The following CCSER1 variants were observed in gnomAD, a reference collection of about 807,000 sequenced individuals.
CCSER1 encodes coiled-coil serine rich protein 1, also known as serine-rich coiled-coil domain-containing protein 1.
Under a neutral mutation model 82.0 loss-of-function variants are expected in CCSER1, and 41 were observed. That is an observed-to-expected ratio of 0.50 (90% CI 0.39 to 0.65). CCSER1 has a LOEUF of 0.65. Ranked by LOEUF, CCSER1 falls within the 30% of genes least tolerant of loss-of-function variation. The probability of loss-of-function intolerance (pLI) is 0.00; values close to 1 mark genes in which losing one functional copy is unlikely to be tolerated. For missense variants in CCSER1, 1,119 were observed against 1,064.2 expected (o/e 1.05, Z -0.72); for synonymous variants, 414 against 383.9 (o/e 1.08, Z -0.92).
chr4:91,329,317 C>A (rs138955781), intron 10 of CCSER1, among the ~76,000 whole-genome samples: 2 of 152,258 alleles, frequency 1.3e-5, no homozygotes, highest in African/African-American at 4.8e-5. Context: ...ACTCTAATTT[C>A]TGATGCTGTG....
rs147764618 is a variant in CCSER1 at position 91,280,542 on chromosome 4, C to T, written c.2217+194548C>T. Among the ~76,000 whole-genome samples, 155 of 152,186 alleles carry T rather than the reference C, an allele frequency of 1.0e-3. 1 individual carries two copies. The highest frequency in any genetic ancestry group is 7.5e-4 in the Non-Finnish European group (51 of 67,998). The stretch of plus-strand genomic sequence containing the variant: ...GCTGAGAGAGGTGGATAGGACAGGG[C>T]GATCCCCAGAACCCTGGTGAAATGC... On this transcript the variant is annotated intron_variant, in intron 10 of 10. Transcript: ENST00000509176.
chr4:91,186,909 A>C (rs1734594503), intron 10 of CCSER1, among the ~76,000 whole-genome samples: 1 of 152,178 alleles, frequency 6.6e-6, no homozygotes, highest in South Asian at 2.1e-4. Flanking sequence ...GTAAACCCAC[A>C]ATCTTCCAGC....
At position 90,225,070 on chromosome 4, in the gene CCSER1, C is replaced by G. The variant is rs1378069796; in HGVS notation, c.-41-83174C>G. Among the ~76,000 whole-genome samples, 3 of 148,664 alleles carry G rather than the reference C, an allele frequency of 2.0e-5. No individual in the cohort carries two copies. The South Asian group carries it at 6.4e-4, about 32-fold the overall frequency. On this transcript the variant is annotated intron_variant, in intron 1 of 10. Transcript: ENST00000509176. ...TTTAAAATGACTTCCTTTTTTTTTT[C>G]TTTTTTATTTTTGAGACAGTTTTCA...
chr4:90,579,787 G>A (rs1245758664), intron 5 of CCSER1, among the ~76,000 whole-genome samples: 3 of 151,126 alleles, frequency 2.0e-5, no homozygotes, highest in Non-Finnish European at 2.9e-5. Context: ...AGTTAATTCC[G>A]TGGTTGGCCT....
At chr4:90,976,141 C>A (rs1001968182) in intron 9 of CCSER1, among the ~76,000 whole-genome samples, 2 of 151,014 alleles carry the variant, frequency 1.3e-5, no homozygotes, top group Non-Finnish European at 1.5e-5. Context: ...AGCCAATTAA[C>A]CTAAGGAAAC....
At chr4:91,331,795 T>G (rs1415402556) in intron 10 of CCSER1, among the ~76,000 whole-genome samples, 2 of 152,174 alleles carry the variant, frequency 1.3e-5, no homozygotes. Context: ...ACAAGCTGCA[T>G]GTAACACAAC....
intron 6 of CCSER1, 46 bp downstream of exon 6, chr4:90,628,278 A>G (rs1213589524): frequency 5.4e-6 from 8 of 1,478,222 alleles, no homozygotes; most frequent in East Asian, 4.5e-5. Context: ...CTGGTAGACA[A>G]TGAAGTCTGC....
chr4:90,833,911 GC>G lies in CCSER1; in HGVS notation c.2094+18070del, dbSNP rs376104230. ...AGTGGGTTATTATAAAGCTAATTCA[GC>G]CCCTGGTGCCTCTCTTTGTCTACTC... On this transcript the variant is annotated intron_variant, in intron 8 of 10. Coordinates refer to ENST00000509176, the MANE Select transcript of CCSER1 (RefSeq NM_001145065.2). Among the ~76,000 whole-genome samples the G allele has an allele frequency of 5.9e-5, 9 of 152,192 alleles. No individual in the cohort carries two copies. The East Asian group carries it at 1.7e-3, about 29-fold the overall frequency.
intron 9 of CCSER1, among the ~76,000 whole-genome samples, chr4:91,049,754 T>C (rs945446801): frequency 9.9e-5 from 15 of 152,226 alleles, no homozygotes; most frequent in African/African-American, 2.7e-4. Flanking sequence ...TCTGGGTAGA[T>C]GATTAACAAG....
chr4:90,240,368 G>T (rs1409681637), intron 1 of CCSER1, among the ~76,000 whole-genome samples: 1 of 152,146 alleles, frequency 6.6e-6, no homozygotes, highest in African/African-American at 2.4e-5. Flanking sequence ...GCCTTGGGAA[G>T]ATTGTCTCTA....
At position 90,985,109 on chromosome 4, in the gene CCSER1, A is replaced by G. The variant is rs187000523; in HGVS notation, c.2172+61662A>G. Reference sequence around the variant, plus strand: ...CTCTGTCGTTTTATTTTAGGTGTATATCTGGTGAGTAATATAACACCAAAA... The same window carrying G: ...CTCTGTCGTTTTATTTTAGGTGTATGTCTGGTGAGTAATATAACACCAAAA... On this transcript the variant is annotated intron_variant, in intron 9 of 10. Coordinates refer to ENST00000509176, the MANE Select transcript of CCSER1 (RefSeq NM_001145065.2). Among the ~76,000 whole-genome samples the G allele has an allele frequency of 1.4e-3, 213 of 151,860 alleles. 1 individual carries two copies. The highest frequency in any genetic ancestry group is 2.6e-3 in the Non-Finnish European group (178 of 67,816).
chr4:90,308,609 A>G lies in CCSER1; in HGVS notation c.325A>G (p.Ile109Val), dbSNP rs778993763. ...GCAGAAACTGAGTTTGGAAGAACAT[A>G]TTAAGACCAGGGGAAGACATTCTGT... is the stretch of plus-strand genomic sequence containing the variant. ...NMQKLSLEEH[I>V]KTRGRHSVGF... Residue 109 changes from isoleucine (I) to valine (V), a missense_variant, in exon 2 of 11, where the codon ATT becomes GTT. By Grantham distance (29) the Ile-to-Val change is conservative. Transcript: ENST00000509176. 3.1e-6 allele frequency: 5 copies of G among 1,613,812 alleles called. No homozygotes were observed. Among genetic ancestry groups the G allele is most frequent in the Admixed American group, 3.3e-5 (2 of 59,964 alleles).
In CCSER1 at chr4:90,877,934, T is replaced by C. The variant is rs117445632; in HGVS notation, c.2095-45436T>C. Among the ~76,000 whole-genome samples, 11 of 152,234 alleles carry C rather than the reference T, an allele frequency of 7.2e-5. No individual in the cohort carries two copies. The East Asian group carries it at 7.7e-4, about 11-fold the overall frequency. ...AAAAAAACATCAGTTACTATCCAAATTATACATTCTAATGGGAGGAACTTT... is the reference window on the plus strand; with the variant it reads ...AAAAAAACATCAGTTACTATCCAAACTATACATTCTAATGGGAGGAACTTT... On this transcript the variant is annotated intron_variant, in intron 8 of 10. Transcript: ENST00000509176.
At chr4:91,560,736 T>C (rs1762617531) in intron 10 of CCSER1, among the ~76,000 whole-genome samples, 1 of 151,448 alleles carries the variant, frequency 6.6e-6, no homozygotes, top group African/African-American at 2.4e-5. Context: ...ATATCTAGCC[T>C]ACTTTTCCTG....
At chr4:90,722,159 G>C (rs1742790220) in intron 6 of CCSER1, among the ~76,000 whole-genome samples, 1 of 151,786 alleles carries the variant, frequency 6.6e-6, no homozygotes, top group African/African-American at 2.4e-5. Context: ...TGGAAAGACT[G>C]TGATCCAGGC....
intron 5 of CCSER1, among the ~76,000 whole-genome samples, chr4:90,513,112 T>G (rs758148536): frequency 6.6e-6 from 1 of 152,146 alleles, no homozygotes; most frequent in Non-Finnish European, 1.5e-5. Flanking sequence ...TAAGACTCAC[T>G]TGAGGTTAAA....
intron 7 of CCSER1, among the ~76,000 whole-genome samples, chr4:90,802,415 T>A (rs1756955176): frequency 6.6e-6 from 1 of 151,340 alleles, no homozygotes; most frequent in Admixed American, 6.6e-5. Context: ...ATTTCAATAG[T>A]ATTCATTTAA....
In CCSER1 at chr4:90,261,915, C is replaced by T. The variant is rs185448218; in HGVS notation, c.-41-46329C>T. Among the ~76,000 whole-genome samples, 186 of 152,028 alleles carry T rather than the reference C, an allele frequency of 1.2e-3. 4 individuals carry two copies. The East Asian group carries it at 0.03, about 25-fold the overall frequency. On this transcript the variant is annotated intron_variant, in intron 1 of 10. Coordinates refer to ENST00000509176, the MANE Select transcript of CCSER1 (RefSeq NM_001145065.2). ...AACTTTCTGTTACATTTTGTATTTC[C>T]CTAAATGTGTCTTTCATTTCTAGAA...
At chr4:91,042,886 G>C (rs1220624989) in intron 9 of CCSER1, among the ~76,000 whole-genome samples, 1 of 152,058 alleles carries the variant, frequency 6.6e-6, no homozygotes, top group East Asian at 1.9e-4. Flanking sequence ...TCTGCATTCC[G>C]GTATTTTAGG....
Sources: gnomAD v4.1 joint callset for allele counts (sites outside exome capture counted in the v4.1 genomes callset) on GRCh38, gnomAD v4.1.1 for gene constraint, MANE v1.5 for transcripts, NCBI Gene and HGNC (gene_info 2026-07-23, HGNC 2026-07-21) for gene names.